BRD10: variants seen among roughly 807,000 people sequenced by gnomAD.
The protein encoded by BRD10 is uncharacterized bromodomain-containing protein 10.
chr9:5,904,351 T>G, the BRD10 span, among the ~76,000 whole-genome samples: 1 of 152,230 alleles, frequency 6.6e-6, no homozygotes, highest in African/African-American at 2.4e-5. Context: ...TGTTACTGTT[T>G]TCTACCTGTT....
chr9:5,948,975 T>C, the BRD10 span, among the ~76,000 whole-genome samples: 2 of 152,128 alleles, frequency 1.3e-5, no homozygotes, highest in African/African-American at 4.8e-5. Flanking sequence ...AGGATATCAC[T>C]TGTGACATGA....
chr9:5,971,679 T>C, the BRD10 span, among the ~76,000 whole-genome samples: 1 of 152,216 alleles, frequency 6.6e-6, no homozygotes, highest in Non-Finnish European at 1.5e-5. Flanking sequence ...ATATTAAATA[T>C]TCTTAATAAA....
chr9:5,967,117 T>G, the BRD10 span, among the ~76,000 whole-genome samples: 1 of 152,196 alleles, frequency 6.6e-6, no homozygotes, highest in Non-Finnish European at 1.5e-5. Flanking sequence ...CTTTTGCTAC[T>G]GAAGAAAGAA....
the BRD10 span, among the ~76,000 whole-genome samples, chr9:5,973,382 G>A: frequency 1.3e-5 from 2 of 152,148 alleles, no homozygotes; most frequent in Non-Finnish European, 1.5e-5. Flanking sequence ...CAGGAGAATC[G>A]CTTGAACCTG....
chr9:5,996,144 A>AC, the BRD10 span, among the ~76,000 whole-genome samples: 1 of 152,326 alleles, frequency 6.6e-6, no homozygotes, highest in South Asian at 2.1e-4. Context: ...TAAAGCCATT[A>AC]AACAACAACA....
the BRD10 span, among the ~76,000 whole-genome samples, chr9:5,977,244 G>C: frequency 1.5e-3 from 233 of 152,320 alleles, no homozygotes; most frequent in African/African-American, 5.1e-3. Context: ...ATCAAGGGCT[G>C]CTACTCACAC....
chr9:5,953,306 G>A, the BRD10 span, among the ~76,000 whole-genome samples: 45 of 151,940 alleles, frequency 3.0e-4, no homozygotes, highest in Non-Finnish European at 6.0e-4. Flanking sequence ...ATACAAAGAC[G>A]TTTTTAAAGA....
At chr9:5,913,678 C>A in the BRD10 span, among the ~76,000 whole-genome samples, 1 of 152,122 alleles carries the variant, frequency 6.6e-6, no homozygotes, top group Non-Finnish European at 1.5e-5. Context: ...ATGATGGCAA[C>A]TTGAAATCAG....
At chr9:5,950,097 T>C in the BRD10 span, among the ~76,000 whole-genome samples, 13 of 152,214 alleles carry the variant, frequency 8.5e-5, no homozygotes, top group Admixed American at 2.6e-4. Context: ...TTCACTCTCA[T>C]CAAACATAAT....
chr9:5,998,045 AT>A, the BRD10 span, among the ~76,000 whole-genome samples: 3 of 152,256 alleles, frequency 2.0e-5, no homozygotes, highest in South Asian at 6.2e-4. Context: ...GAAAAATGCT[AT>A]TTTTTTGGCT....
chr9:5,939,521 C>A, the BRD10 span, among the ~76,000 whole-genome samples: 5 of 152,330 alleles, frequency 3.3e-5, no homozygotes, highest in East Asian at 9.6e-4. Context: ...TTAACACAGA[C>A]ATTCACAAGT....
At chr9:5,957,737 C>CCT in the BRD10 span, among the ~76,000 whole-genome samples, 1 of 152,010 alleles carries the variant, frequency 6.6e-6, no homozygotes, top group South Asian at 2.1e-4. Flanking sequence ...CTGAAAAAAA[C>CCT]AATTTCAGTA....
chr9:5,951,428 G>C, the BRD10 span, among the ~76,000 whole-genome samples: 2 of 151,862 alleles, frequency 1.3e-5, no homozygotes, highest in Non-Finnish European at 2.9e-5. Flanking sequence ...AACTGGTCAG[G>C]TTTTACAAAA....
the BRD10 span, chr9:5,907,100 C>CA: frequency 2.8e-6 from 2 of 718,094 alleles, no homozygotes; most frequent in Non-Finnish European, 4.3e-6. Flanking sequence ...TGTGAATGTA[C>CA]TCATTGCCAC....
the BRD10 span, chr9:5,919,541 A>ACACAC: frequency 8.3e-6 from 1 of 120,656 alleles, no homozygotes; most frequent in Non-Finnish European, 1.2e-5. Context: ...AAGATACATT[A>ACACAC]AAACACACAC....
chr9:5,892,396 A>T, the BRD10 span: 173 of 1,311,878 alleles, frequency 1.3e-4, no homozygotes, highest in Non-Finnish European at 1.7e-4. Context: ...TTATGAGATG[A>T]TGAATAGGGT....
chr9:5,970,169 C>T, the BRD10 span, among the ~76,000 whole-genome samples: 5 of 152,030 alleles, frequency 3.3e-5, no homozygotes, highest in African/African-American at 9.7e-5. Flanking sequence ...AAGTTATGTA[C>T]TTACCAATGT....
chr9:5,909,626 TCTAA>T, the BRD10 span: 1 of 152,252 alleles, frequency 6.6e-6, no homozygotes. Flanking sequence ...TCAATGCTAT[TCTAA>T]CTAATGACAA....
chr9:5,949,397 A>C, the BRD10 span, among the ~76,000 whole-genome samples: 1 of 151,910 alleles, frequency 6.6e-6, no homozygotes, highest in Non-Finnish European at 1.5e-5. Flanking sequence ...AACAACAACA[A>C]AACCCTAATT....
Sources: gnomAD v4.1 joint callset for allele counts (sites outside exome capture counted in the v4.1 genomes callset) on GRCh38, gnomAD v4.1.1 for gene constraint, MANE v1.5 for transcripts, NCBI Gene and HGNC (gene_info 2026-07-23, HGNC 2026-07-21) for gene names.